The following ECPAS variants were observed in gnomAD, a reference collection of about 807,000 sequenced individuals.
ECPAS encodes the protein Ecm29 proteasome adaptor and scaffold, also known as proteasome adapter and scaffold protein ECM29.
ECPAS carries 70 observed loss-of-function variants against 255.1 expected under a neutral mutation model. The observed-to-expected ratio is 0.27, with a 90% CI of 0.23 to 0.33. ECPAS has a LOEUF of 0.33. Ranked by LOEUF, ECPAS falls within the 10% of genes least tolerant of loss-of-function variation. The pLI is 1.00. For missense variants in ECPAS, 1,817 were observed against 2,206.4 expected, an observed-to-expected ratio of 0.82 and a Z score of 3.54; for synonymous variants, 784 against 775.0, an observed-to-expected ratio of 1.01 and a Z score of -0.19.
At chr9:111,365,288 T>TATCATCATC (rs143492409) in intron 48 of ECPAS, among the ~76,000 whole-genome samples, 23,025 of 147,534 alleles carry the variant, frequency 0.16, 2,400 homozygotes, top group Non-Finnish European at 0.23. Context: ...TAATAACCAT[T>TATCATCATC]ATCATCATCA....
At chr9:111,460,316 G>A (rs1298518313) in intron 2 of ECPAS, among the ~76,000 whole-genome samples, 1 of 152,010 alleles carries the variant, frequency 6.6e-6, no homozygotes, top group Non-Finnish European at 1.5e-5. Context: ...GAAGAGACAA[G>A]GAAGAAAAGA....
intron 24 of ECPAS, 38 bp from the exon 25 acceptor site, chr9:111,397,191 A>C (rs750536942): frequency 5.0e-6 from 8 of 1,606,602 alleles, no homozygotes; most frequent in Non-Finnish European, 1.7e-6. Flanking sequence ...ATGAGAAAAC[A>C]CATTTCCCAA....
rs545860799 is a variant in ECPAS, at chr9:111,368,034, C to CAA, written c.5113+999_5113+1000dup. ...TGGGCAACAAAGCAAGACCCTGTCT[C>CAA]AAAAAAAAAACAAACAAAAAAAAAA... is the stretch of plus-strand genomic sequence containing the variant. On this transcript the variant is annotated intron_variant, in intron 46 of 49. Transcript: ENST00000684092. Among the ~76,000 whole-genome samples, 585 of 126,524 alleles carry CAA rather than the reference C, an allele frequency of 4.6e-3. 8 individuals are homozygous for CAA. Among genetic ancestry groups the CAA allele is most frequent in the African/African-American group, 0.016 (554 of 34,072 alleles). The allele number at this position is 126,524 out of a possible 152,430, so 83.0% of individuals were successfully genotyped here.
intron 3 of ECPAS, among the ~76,000 whole-genome samples, chr9:111,445,060 A>AT (rs1479920678): frequency 7.4e-6 from 1 of 135,358 alleles, no homozygotes; most frequent in Non-Finnish European, 1.5e-5. Flanking sequence ...TAGTGGTGCG[A>AT]TCTCAGCTCA....
At chr9:111,396,989 T>C (rs772582206) in intron 25 of ECPAS, 41 bp downstream of exon 25, 1 of 1,612,436 alleles carries the variant, frequency 6.2e-7, no homozygotes, top group Admixed American at 1.7e-5. Context: ...CAAAAAAAGG[T>C]TACTTGATCA....
chr9:111,419,540 T>C (rs1356143692), intron 16 of ECPAS, among the ~76,000 whole-genome samples: 1 of 151,970 alleles, frequency 6.6e-6, no homozygotes, highest in Admixed American at 6.6e-5. Flanking sequence ...AATGCAGTAG[T>C]ATAATTCATT....
At chr9:111,439,043 G>C (rs2098242116) in intron 6 of ECPAS, among the ~76,000 whole-genome samples, 2 of 152,158 alleles carry the variant, frequency 1.3e-5, no homozygotes, top group Non-Finnish European at 2.9e-5. Flanking sequence ...CTCCATGCCA[G>C]AGACCAAAGC....
At chr9:111,444,788 G>C (rs2098250636) in intron 3 of ECPAS, among the ~76,000 whole-genome samples, 1 of 152,086 alleles carries the variant, frequency 6.6e-6, no homozygotes, top group Non-Finnish European at 1.5e-5. Flanking sequence ...TTGGCTCACT[G>C]CAACCTCCGC....
chr9:111,476,591 T>C (rs1370868208), intron 1 of ECPAS, among the ~76,000 whole-genome samples: 1 of 148,880 alleles, frequency 6.7e-6, no homozygotes, highest in Non-Finnish European at 1.5e-5. Flanking sequence ...TTTTTTTTTT[T>C]TTTTTTTGAG....
In ECPAS at chr9:111,451,405, A is replaced by G; in HGVS notation, c.153+20T>C. 1 of 1,558,152 alleles carries G rather than the reference A, an allele frequency of 6.4e-7. No homozygotes were observed. Among genetic ancestry groups the G allele is most frequent in the Non-Finnish European group, 8.7e-7 (1 of 1,150,694 alleles). On this transcript the variant is annotated intron_variant, in intron 3 of 49. Transcript: ENST00000684092. The stretch of plus-strand genomic sequence containing the variant: ...CATTTATTCATCATTTAATTCCCCC[A>G]GCTGTCCCAACATGCTTACCTTTTT...
intron 31 of ECPAS, among the ~76,000 whole-genome samples, chr9:111,387,475 A>G (rs1021969560): frequency 1.3e-5 from 2 of 151,266 alleles, no homozygotes; most frequent in Non-Finnish European, 2.9e-5. Flanking sequence ...TCGTCAGTGC[A>G]GTTATTGAGG....
intron 2 of ECPAS, among the ~76,000 whole-genome samples, chr9:111,456,568 C>T (rs530129386): frequency 6.6e-6 from 1 of 152,212 alleles, no homozygotes; most frequent in Non-Finnish European, 1.5e-5. Context: ...GTATTTATTA[C>T]AAAAATGGAA....
chr9:111,431,929 T>C (rs181656037), intron 8 of ECPAS, among the ~76,000 whole-genome samples: 2 of 152,340 alleles, frequency 1.3e-5, no homozygotes, highest in East Asian at 1.9e-4. Flanking sequence ...AGCTCCGCCG[T>C]TGCTTTTCTT....
Position 111,378,460 on chromosome 9 carries a change from T to G in ECPAS, c.3954+120A>C, listed in dbSNP as rs971150092. 1.6e-5 allele frequency: 16 copies of G among 991,224 alleles called. No individual in the cohort carries two copies. In the Middle Eastern group the frequency reaches 1.0e-3, roughly 64 times the overall value. The allele number at this position is 991,224 out of a possible 1,614,324, so 61.4% of individuals were successfully genotyped here. On this transcript the variant is annotated intron_variant, in intron 36 of 49. Transcript: ENST00000684092. ...TCCAAAAAAACAGTAAAACACTGCATGTGGTGACAGAGGGTGAGTTCTGGT... is the reference window on the plus strand; with the variant it reads ...TCCAAAAAAACAGTAAAACACTGCAGGTGGTGACAGAGGGTGAGTTCTGGT...
chr9:111,436,838 G>C, intron 7 of ECPAS, 102 bp downstream of exon 7: 1 of 995,164 alleles, frequency 1.0e-6, no homozygotes, highest in South Asian at 2.1e-5. Flanking sequence ...TATTTCACTG[G>C]AGAGCCTGAA....
chr9:111,426,239 C>T (rs1000409656), intron 10 of ECPAS, among the ~76,000 whole-genome samples: 31 of 152,124 alleles, frequency 2.0e-4, no homozygotes, highest in African/African-American at 7.2e-4. Flanking sequence ...TATTATGGAA[C>T]CACATCTAGA....
At chr9:111,476,687 G>C (rs1023446209) in intron 1 of ECPAS, among the ~76,000 whole-genome samples, 1 of 151,392 alleles carries the variant, frequency 6.6e-6, no homozygotes, top group Non-Finnish European at 1.5e-5. Flanking sequence ...GTTCAAGTGG[G>C]AGTCTCACTC....
rs369577729 is a variant in ECPAS at position 111,437,038 on chromosome 9, C to T, written c.610G>A (p.Gly204Arg). The T allele has an allele frequency of 3.5e-5, 56 of 1,612,846 alleles. No individual in the cohort carries two copies. The highest frequency in any genetic ancestry group is 4.7e-5 in the Non-Finnish European group (55 of 1,179,528). The change falls in exon 7 of 50, where the codon GGA becomes AGA. Residue 204 changes from glycine (G) to arginine (R), a missense_variant. By Grantham distance (125) the Gly-to-Arg change is moderately radical. Coordinates refer to ENST00000684092, the MANE Select transcript of ECPAS (RefSeq NM_001364929.1). The stretch of plus-strand genomic sequence containing the variant: ...GGAGGCTGTGGGATTCCAGAACCTC[C>T]GCCACTGTTTGAAGAAGAACCCTGT... ...SAQGSSSNSGGGSGIPQPPPG... is the reference protein window; with the variant it reads ...SAQGSSSNSGRGSGIPQPPPG...
rs535168578 is a variant in ECPAS at position 111,482,680 on chromosome 9, C to CT, written c.-83+1435dup. Among the ~76,000 whole-genome samples the CT allele has an allele frequency of 1.4e-4, 22 of 152,206 alleles. No individual in the cohort carries two copies. In the South Asian group the frequency reaches 4.1e-3, roughly 29 times the overall value. The stretch of plus-strand genomic sequence containing the variant: ...AAAAAAAAGGGAAAGAAAGAAAACC[C>CT]TTGGGGGGGAGAACACTCAAAACGC... On this transcript the variant is annotated intron_variant, in intron 1 of 49. Transcript: ENST00000684092.
Sources: gnomAD v4.1 joint callset for allele counts (sites outside exome capture counted in the v4.1 genomes callset) on GRCh38, gnomAD v4.1.1 for gene constraint, MANE v1.5 for transcripts, NCBI Gene and HGNC (gene_info 2026-07-23, HGNC 2026-07-21) for gene names.